Variants in SMG6 observed in about 807,000 individuals in gnomAD.
SMG6 encodes the protein SMG6 nonsense mediated mRNA decay factor.
Under a neutral mutation model 142.2 loss-of-function variants are expected in SMG6, and 66 were observed. That is an observed-to-expected ratio of 0.46 (90% CI 0.38 to 0.57). SMG6 has a LOEUF of 0.57. Ranked by LOEUF, SMG6 falls within the 20% of genes least tolerant of loss-of-function variation. The probability of loss-of-function intolerance (pLI) is 0.00; values close to 1 mark genes in which losing one functional copy is unlikely to be tolerated. For synonymous variants in SMG6, 779 were observed against 702.4 expected (o/e 1.11, Z -1.72); for missense variants, 1,793 against 1,832.0 (o/e 0.98, Z 0.39).
intron 8 of SMG6, among the ~76,000 whole-genome samples, chr17:2,267,028 T>C (rs1455120164): frequency 6.6e-6 from 1 of 152,220 alleles, no homozygotes; most frequent in Non-Finnish European, 1.5e-5. Flanking sequence ...TCTAATGAAC[T>C]GCTGTCATCA....
intron 17 of SMG6, 119 bp downstream of exon 17, chr17:2,065,349 C>T (rs1441292455): frequency 3.0e-5 from 32 of 1,072,612 alleles, no homozygotes; most frequent in African/African-American, 7.8e-5. Flanking sequence ...CCCACCTGGG[C>T]CTCCATGGTG....
chr17:2,172,289 G>A (rs2071527304), intron 13 of SMG6, among the ~76,000 whole-genome samples: 1 of 151,892 alleles, frequency 6.6e-6, no homozygotes, highest in African/African-American at 2.4e-5. Context: ...TTTTCCTAGT[G>A]CAGAGCTTTG....
intron 8 of SMG6, among the ~76,000 whole-genome samples, chr17:2,273,432 G>A (rs1200194090): frequency 3.9e-5 from 6 of 152,148 alleles, no homozygotes; most frequent in East Asian, 1.9e-4. Flanking sequence ...AGGCCGAGGC[G>A]GGTGGATCAC....
chr17:2,164,320 G>C (rs1252513120), intron 13 of SMG6, among the ~76,000 whole-genome samples: 1 of 151,848 alleles, frequency 6.6e-6, no homozygotes, highest in African/African-American at 2.4e-5. Flanking sequence ...CTACTCAAGA[G>C]GCTGAGGCAG....
At chr17:2,207,624 T>C (rs1046624733) in intron 10 of SMG6, among the ~76,000 whole-genome samples, 1 of 152,112 alleles carries the variant, frequency 6.6e-6, no homozygotes, top group Non-Finnish European at 1.5e-5. Context: ...ATTAAATATA[T>C]ACATATATAA....
intron 10 of SMG6, among the ~76,000 whole-genome samples, chr17:2,200,541 C>A (rs72817594): frequency 0.076 from 11,100 of 146,252 alleles, 563 homozygotes; most frequent in Middle Eastern, 0.12. Flanking sequence ...AAAAAAAAAA[C>A]TTTTTGTAGA....
intron 8 of SMG6, among the ~76,000 whole-genome samples, chr17:2,277,149 ATTTATTTATTTATTTATTTTTTAT>A (rs2074668984): frequency 2.7e-5 from 2 of 73,700 alleles, no homozygotes; most frequent in Admixed American, 1.5e-4. Context: ...TTATTTATTT[ATTTATTTATTTATTTATTTTTTAT>A]TTTTTTTTTT....
chr17:2,130,051 A>T (rs2070056788), intron 13 of SMG6, among the ~76,000 whole-genome samples: 2 of 151,542 alleles, frequency 1.3e-5, no homozygotes, highest in Admixed American at 1.3e-4. Flanking sequence ...CGAGGTCAGG[A>T]GATCAAGACC....
intron 10 of SMG6, among the ~76,000 whole-genome samples, chr17:2,226,536 G>A (rs930730265): frequency 2.0e-5 from 3 of 151,646 alleles, no homozygotes; most frequent in Non-Finnish European, 4.4e-5. Context: ...CCAAGATCAC[G>A]CCATTGCACT....
chr17:2,260,920 C>T lies in SMG6; in HGVS notation c.2662-16201G>A, dbSNP rs956325518. Among the ~76,000 whole-genome samples, 4 of 151,696 alleles carry T rather than the reference C, an allele frequency of 2.6e-5. No homozygotes were observed. The South Asian group carries it at 8.3e-4, about 31-fold the overall frequency. ...CTGAGGCAGAAGAATCACTTGAACCCGGGAGGCGGAGGTTGCAGTGAGACG... is the reference window on the plus strand; with the variant it reads ...CTGAGGCAGAAGAATCACTTGAACCTGGGAGGCGGAGGTTGCAGTGAGACG... On this transcript the variant is annotated intron_variant, in intron 8 of 18. Coordinates refer to ENST00000263073, the MANE Select transcript of SMG6 (RefSeq NM_017575.5).
chr17:2,065,306 G>A (rs2067909383), intron 17 of SMG6, 152 bp from the exon 18 acceptor site: 3 of 975,358 alleles, frequency 3.1e-6, no homozygotes, highest in Non-Finnish European at 4.7e-6. Context: ...TGATCTGACT[G>A]TGCTACGAGT....
intron 13 of SMG6, among the ~76,000 whole-genome samples, chr17:2,128,778 C>T (rs1248375843): frequency 2.8e-5 from 4 of 142,870 alleles, no homozygotes; most frequent in Non-Finnish European, 4.5e-5. Flanking sequence ...GAGCCAAGAT[C>T]GCGCCACGGC....
intron 13 of SMG6, among the ~76,000 whole-genome samples, chr17:2,106,912 C>T (rs1037505860): frequency 1.3e-5 from 2 of 151,910 alleles, no homozygotes; most frequent in East Asian, 3.9e-4. Context: ...CAACCTCCGC[C>T]TCCCGGGTTC....
intron 13 of SMG6, among the ~76,000 whole-genome samples, chr17:2,146,399 T>C (rs959159304): frequency 2.0e-5 from 3 of 152,304 alleles, no homozygotes; most frequent in Middle Eastern, 6.8e-3. Context: ...TGAACAGATA[T>C]GAGTAAGTAG....
intron 15 of SMG6, among the ~76,000 whole-genome samples, chr17:2,079,955 A>C (rs141790790): frequency 0.01 from 1,553 of 152,072 alleles, 30 homozygotes; most frequent in African/African-American, 0.035. Flanking sequence ...GGCGCCTGTA[A>C]TCCCAGCTAC....
intron 13 of SMG6, chr17:2,127,280 C>A (rs1356534574): frequency 5.1e-6 from 2 of 392,828 alleles, no homozygotes; most frequent in Non-Finnish European, 9.6e-6. Context: ...ATGGTTACGG[C>A]GTTTGGAATG....
intron 1 of SMG6, chr17:2,303,324 T>G: frequency 8.7e-7 from 1 of 1,153,084 alleles, no homozygotes; most frequent in South Asian, 4.1e-5. Context: ...CGTCTCCCGA[T>G]GCCTGGGAAT....
chr17:2,186,552 G>C, intron 12 of SMG6, 111 bp downstream of exon 12: 1 of 1,238,230 alleles, frequency 8.1e-7, no homozygotes, highest in Non-Finnish European at 1.1e-6. Context: ...AAGAAATAGA[G>C]AGGCAGGCAG....
chr17:2,227,000 T>C (rs2073339140), intron 10 of SMG6, among the ~76,000 whole-genome samples: 1 of 152,170 alleles, frequency 6.6e-6, no homozygotes, highest in Non-Finnish European at 1.5e-5. Context: ...TCATCCTTAG[T>C]TATTAGAGAA....
Sources: allele counts gnomAD v4.1 joint callset (sites outside exome capture counted in the v4.1 genomes callset), GRCh38; gene constraint gnomAD v4.1.1; transcripts MANE v1.5; gene names NCBI Gene and HGNC (gene_info 2026-07-23, HGNC 2026-07-21).